DPYSL5: variants seen among roughly 807,000 people sequenced by gnomAD.
DPYSL5 encodes the protein dihydropyrimidinase like 5, also known as dihydropyrimidinase-related protein 5.
Under a neutral mutation model 58.4 loss-of-function variants are expected in DPYSL5, and 9 were observed. That is an observed-to-expected ratio of 0.15 (90% CI 0.09 to 0.27). DPYSL5 has a LOEUF of 0.27. DPYSL5 is among the 10% of genes least tolerant of loss of function. The probability of loss-of-function intolerance (pLI) is 1.00; values close to 1 mark genes in which losing one functional copy is unlikely to be tolerated. For synonymous variants in DPYSL5, 293 were observed against 301.9 expected (o/e 0.97, Z 0.31); for missense variants, 499 against 770.6 (o/e 0.65, Z 4.17).
chr2:26,911,382 T>G (rs201090742), intron 2 of DPYSL5, among the ~76,000 whole-genome samples: 1 of 61,768 alleles, frequency 1.6e-5, no homozygotes, highest in Non-Finnish European at 3.8e-5. Context: ...ATCAAAAACA[T>G]AGAGAAACGA....
At chr2:26,909,675 G>A (rs1177346585) in intron 2 of DPYSL5, among the ~76,000 whole-genome samples, 1 of 152,056 alleles carries the variant, frequency 6.6e-6, no homozygotes, top group African/African-American at 2.4e-5. Flanking sequence ...GCTGAGGCAG[G>A]AGGAGTTTGA....
Position 26,944,620 on chromosome 2 carries a change from G to T in DPYSL5, c.1441-36G>T, listed in dbSNP as rs1218326229. The T allele has an allele frequency of 1.2e-6, 2 of 1,606,218 alleles. No individual in the cohort carries two copies. The highest frequency in any genetic ancestry group is 1.7e-5 in the Admixed American group (1 of 59,648). Reference sequence around the variant, plus strand: ...TGTATCACTCAGCTCTGATGGTGTTGTCCTGTTCTTCTGCTCTTCTTCCAT... The same window carrying T: ...TGTATCACTCAGCTCTGATGGTGTTTTCCTGTTCTTCTGCTCTTCTTCCAT... On this transcript the variant is annotated intron_variant, in intron 11 of 12. Transcript: ENST00000288699. The surrounding 1 kb of genome is among the most constrained non-coding windows in gnomAD (Gnocchi z 4.4).
rs1160908172 is a variant in DPYSL5 at position 26,950,261 on chromosome 2, C to CTGTGCTTT, written c.*3267_*3274dup. ...GTCAACCCCAAGACGACACATGGTC[C>CTGTGCTTT]TGTGCTTTGGCCACCGTTTGAGGCA... On this transcript the variant is annotated 3_prime_UTR_variant, in exon 13 of 13. Coordinates refer to ENST00000288699, the MANE Select transcript of DPYSL5 (RefSeq NM_020134.4). This position sits in a 1 kb window ranked among gnomAD's most constrained non-coding sequence, Gnocchi z 5.3. 6.6e-6 allele frequency: 1 copy of CTGTGCTTT among 152,208 alleles called. No homozygotes were observed. The highest frequency in any genetic ancestry group is 1.9e-4 in the East Asian group (1 of 5,190). The allele number at this position is 152,208 out of a possible 1,614,324, so 9.4% of individuals were successfully genotyped here. A position where few individuals can be genotyped will look rare whatever the true frequency, so the allele number is the denominator to read the frequency against.
chr2:26,851,623 A>G (rs1665757621), intron 1 of DPYSL5, among the ~76,000 whole-genome samples: 1 of 152,140 alleles, frequency 6.6e-6, no homozygotes, highest in South Asian at 2.1e-4. Context: ...AAAGGACAGC[A>G]TGACTATAGG....
intron 3 of DPYSL5, among the ~76,000 whole-genome samples, chr2:26,926,591 T>A (rs1183707831): frequency 6.6e-6 from 1 of 152,246 alleles, no homozygotes; most frequent in Non-Finnish European, 1.5e-5. Context: ...TAAACTTCTT[T>A]CTTTCCCATC....
At chr2:26,862,718 G>A (rs1036679486) in intron 1 of DPYSL5, among the ~76,000 whole-genome samples, 8 of 152,178 alleles carry the variant, frequency 5.3e-5, no homozygotes, top group South Asian at 2.1e-4. Flanking sequence ...GGAAGTCACC[G>A]GGATGCCAGG....
rs1017363270 is a variant in DPYSL5, at chr2:26,934,484, C to T, written c.791-94C>T. On this transcript the variant is annotated intron_variant, in intron 7 of 12. Transcript: ENST00000288699. This position sits in a 1 kb window ranked among gnomAD's most constrained non-coding sequence, Gnocchi z 4.3. ...GGGCAGGTCCCTTCCTGTCTCTGACCTCAGCTCCTTCACCTGTAAAATGAG... is the reference window on the plus strand; with the variant it reads ...GGGCAGGTCCCTTCCTGTCTCTGACTTCAGCTCCTTCACCTGTAAAATGAG... 22 of 1,478,268 alleles carry T rather than the reference C, an allele frequency of 1.5e-5. No individual in the cohort carries two copies. The highest frequency in any genetic ancestry group is 1.7e-5 in the Non-Finnish European group (19 of 1,096,684). 91.6% of individuals were successfully genotyped at this position (1,478,268 alleles called of 1,614,324 possible).
At chr2:26,880,201 A>T (rs1663522448) in intron 1 of DPYSL5, among the ~76,000 whole-genome samples, 1 of 152,104 alleles carries the variant, frequency 6.6e-6, no homozygotes, top group South Asian at 2.1e-4. Flanking sequence ...CCATGCTGCC[A>T]CTGCTAGTGT....
chr2:26,931,199 GTGTGTATATATATATATATATA>G (rs1664974724), intron 5 of DPYSL5, among the ~76,000 whole-genome samples: 1 of 52,852 alleles, frequency 1.9e-5, no homozygotes, highest in African/African-American at 6.1e-5. Flanking sequence ...GTGTGTGTGT[GTGTGTATATATATATATATATA>G]TATATATATG....
At chr2:26,921,480 G>A (rs1287062832) in intron 2 of DPYSL5, among the ~76,000 whole-genome samples, 2 of 151,670 alleles carry the variant, frequency 1.3e-5, no homozygotes, top group African/African-American at 4.9e-5. Flanking sequence ...ACACAATTGG[G>A]CTGTGCCTTG....
chr2:26,925,803 G>A lies in DPYSL5; in HGVS notation c.420+758G>A, dbSNP rs1256590263. On this transcript the variant is annotated intron_variant, in intron 3 of 12. Transcript: ENST00000288699. The surrounding 1 kb of genome is among the most constrained non-coding windows in gnomAD (Gnocchi z 4.5). ...TTTTTCTGCTTTTTTGCCCAGGGTAGCAGTCTGGATATTCATTCTTTCATC... is the reference window on the plus strand; with the variant it reads ...TTTTTCTGCTTTTTTGCCCAGGGTAACAGTCTGGATATTCATTCTTTCATC... Among the ~76,000 whole-genome samples the A allele has an allele frequency of 6.6e-6, 1 of 152,112 alleles. No individual in the cohort carries two copies. Among genetic ancestry groups the A allele is most frequent in the Non-Finnish European group, 1.5e-5 (1 of 68,022 alleles).
At chr2:26,907,028 A>G (rs1664312157) in intron 2 of DPYSL5, among the ~76,000 whole-genome samples, 1 of 152,082 alleles carries the variant, frequency 6.6e-6, no homozygotes, top group African/African-American at 2.4e-5. Context: ...CAGCCTCCCA[A>G]AGTGTTAGGA....
rs565983554 is a variant in DPYSL5 at position 26,889,953 on chromosome 2, G to C, written c.-4-8543G>C. On this transcript the variant is annotated intron_variant, in intron 1 of 12. Coordinates refer to ENST00000288699, the MANE Select transcript of DPYSL5 (RefSeq NM_020134.4). The stretch of plus-strand genomic sequence containing the variant: ...CTAATGAGGTTACTGGGGAAGGTGA[G>C]CAGCATGATGAGTGTCCACAGTCCA... Among the ~76,000 whole-genome samples, 80 of 152,332 alleles carry C rather than the reference G, an allele frequency of 5.3e-4. No homozygotes were observed. The South Asian group carries it at 0.016, about 30-fold the overall frequency.
intron 2 of DPYSL5, among the ~76,000 whole-genome samples, chr2:26,920,020 A>T (rs980095772): frequency 1.3e-5 from 2 of 152,166 alleles, no homozygotes; most frequent in Non-Finnish European, 2.9e-5. Flanking sequence ...TATTTGTATA[A>T]TTTTTTTAAT....
intron 1 of DPYSL5, among the ~76,000 whole-genome samples, chr2:26,862,848 G>T (rs557511): frequency 0.013 from 2,020 of 152,306 alleles, 50 homozygotes; most frequent in African/African-American, 0.046. Context: ...TTGCAGGAGT[G>T]ATCAGCACCC....
intron 1 of DPYSL5, among the ~76,000 whole-genome samples, chr2:26,892,424 G>T (rs752294505): frequency 6.6e-6 from 1 of 152,210 alleles, no homozygotes; most frequent in African/African-American, 2.4e-5. Flanking sequence ...CTCCAAGCAT[G>T]TGTTACGAGC....
At position 26,928,049 on chromosome 2, in the gene DPYSL5, G is replaced by A. The variant is rs182601077; in HGVS notation, c.601-206G>A. 6.6e-5 allele frequency among the ~76,000 whole-genome samples: 10 copies of A among 152,344 alleles called. No homozygotes were observed. In the East Asian group the frequency reaches 1.9e-3, roughly 29 times the overall value. On this transcript the variant is annotated intron_variant, in intron 4 of 12. Coordinates refer to ENST00000288699, the MANE Select transcript of DPYSL5 (RefSeq NM_020134.4). ...AGAACAAGATATGTTCAGTCATTAT[G>A]AAGTGAGAATCAGGAGAGCCCCACT...
intron 1 of DPYSL5, among the ~76,000 whole-genome samples, chr2:26,895,936 C>T (rs751374334): frequency 2.2e-4 from 34 of 151,810 alleles, no homozygotes; most frequent in Non-Finnish European, 4.1e-4. Flanking sequence ...CCCACCACCA[C>T]GCCCGGCTAG....
At chr2:26,880,803 A>G (rs1356735772) in intron 1 of DPYSL5, among the ~76,000 whole-genome samples, 3 of 152,154 alleles carry the variant, frequency 2.0e-5, no homozygotes, top group African/African-American at 4.8e-5. Context: ...TCTCACCGCC[A>G]TCTCCGTGGT....
Sources: gnomAD v4.1 joint callset for allele counts (sites outside exome capture counted in the v4.1 genomes callset) on GRCh38, gnomAD v4.1.1 for gene constraint, Gnocchi (gnomAD v3.1) non-coding constraint, MANE v1.5 for transcripts, NCBI Gene and HGNC (gene_info 2026-07-23, HGNC 2026-07-21) for gene names.